TM6SF2: variants seen among roughly 807,000 people sequenced by gnomAD.
TM6SF2 encodes transmembrane 6 superfamily member 2.
TM6SF2 carries 29 observed loss-of-function variants against 41.0 expected under a neutral mutation model. The observed-to-expected ratio is 0.71, with a 90% CI of 0.53 to 0.96. The LOEUF (loss-of-function observed/expected upper bound fraction) is 0.96, where lower values mean the gene tolerates loss of function less well. Among genes scored for constraint, TM6SF2 ranks in the 50% least tolerant of loss-of-function variants. The pLI is 0.00. For missense variants in TM6SF2, 475 were observed against 499.0 expected, an observed-to-expected ratio of 0.95 and a Z score of 0.46; for synonymous variants, 200 against 209.1, an observed-to-expected ratio of 0.96 and a Z score of 0.37.
intron 1 of TM6SF2, 60 bp downstream of exon 1, chr19:19,273,061 T>TGCCCCCCC: frequency 2.6e-5 from 8 of 305,458 alleles, no homozygotes; most frequent in Non-Finnish European, 4.3e-5. Flanking sequence ...CCTCCAGTCC[T>TGCCCCCCC]CCCCGCCCCC....
At position 19,267,379 on chromosome 19, in the gene TM6SF2, A is replaced by G. The variant is rs995023471; in HGVS notation, c.804+242T>C. Among the ~76,000 whole-genome samples the G allele has an allele frequency of 1.3e-4, 18 of 142,642 alleles. 1 individual carries two copies. Among genetic ancestry groups the G allele is most frequent in the Admixed American group, 5.8e-4 (8 of 13,726 alleles). 93.6% of individuals were successfully genotyped at this position (142,642 alleles called of 152,430 possible). On this transcript the variant is annotated intron_variant, in intron 8 of 9. Transcript: ENST00000389363. Reference sequence around the variant, plus strand: ...GCAAAACTCTGTTTAAAAAAAAAAAAAAAAAAGAAAAAGAAAGAAAGAAAA... The same window carrying G: ...GCAAAACTCTGTTTAAAAAAAAAAAGAAAAAAGAAAAAGAAAGAAAGAAAA...
At chr19:19,268,316 C>A (rs1343691626) in intron 6 of TM6SF2, among the ~76,000 whole-genome samples, 1 of 151,540 alleles carries the variant, frequency 6.6e-6, no homozygotes, top group Non-Finnish European at 1.5e-5. Flanking sequence ...AGTGATCCTC[C>A]CACCTCAGCC....
intron 6 of TM6SF2, 141 bp downstream of exon 6, chr19:19,268,489 T>C: frequency 7.8e-7 from 1 of 1,287,230 alleles, no homozygotes; most frequent in Non-Finnish European, 1.0e-6. Flanking sequence ...ATTACAGGCA[T>C]GAGCCACCGC....
At position 19,264,760 on chromosome 19, in the gene TM6SF2, G is replaced by A. The variant is rs578098988; in HGVS notation, c.1038C>T (p.Gly346=). The change falls in exon 10 of 10, where the codon GGC becomes GGT. Residue 346 remains glycine, a synonymous_variant. Coordinates refer to ENST00000389363, the MANE Select transcript of TM6SF2 (RefSeq NM_001001524.3). ...GGCAACGGTAGGCCAGCAGGTGGGG[G>A]CCCAGCGCATACAGCAGATTGCACA... The part of the protein sequence containing the change: ...FFVCNLLYAL[G]PHLLAYRCLQ... 6 of 1,608,718 alleles carry A rather than the reference G, an allele frequency of 3.7e-6. No homozygotes were observed. Among genetic ancestry groups the A allele is most frequent in the Non-Finnish European group, 5.1e-6 (6 of 1,177,790 alleles).
chr19:19,267,480 C>T (rs2061007335), intron 8 of TM6SF2, 141 bp downstream of exon 8: 1 of 568,412 alleles, frequency 1.8e-6, no homozygotes, highest in Non-Finnish European at 3.1e-6. Flanking sequence ...CTGAAGACCA[C>T]ATCTGTCCTT....
chr19:19,272,785 C>CT (rs2061029121), intron 1 of TM6SF2, among the ~76,000 whole-genome samples: 2 of 151,562 alleles, frequency 1.3e-5, no homozygotes, highest in South Asian at 4.2e-4. Flanking sequence ...CCCTTGGTGA[C>CT]TTTGGAACCT....
At chr19:19,267,360 C>T (rs1406079339) in intron 8 of TM6SF2, among the ~76,000 whole-genome samples, 2 of 102,664 alleles carry the variant, frequency 1.9e-5, no homozygotes, top group Admixed American at 1.1e-4. Context: ...AAGAGCAAAA[C>T]TCTGTTTAAA....
At chr19:19,268,188 T>G in intron 6 of TM6SF2, 101 bp from the exon 7 acceptor site, 3 of 767,012 alleles carry the variant, frequency 3.9e-6, no homozygotes, top group Non-Finnish European at 6.1e-6. Flanking sequence ...TTCTTTCTTT[T>G]TTTCTTTTTT....
At chr19:19,267,960 G>A in intron 7 of TM6SF2, 26 bp downstream of exon 7, 1 of 1,578,232 alleles carries the variant, frequency 6.3e-7, no homozygotes, top group East Asian at 2.2e-5. Context: ...GGCAGGGGAG[G>A]GGGAGACCAA....
chr19:19,267,167 G>A (rs2061005876), intron 8 of TM6SF2, among the ~76,000 whole-genome samples: 1 of 152,048 alleles, frequency 6.6e-6, no homozygotes, highest in Admixed American at 6.6e-5. Flanking sequence ...TCAGGAGTTC[G>A]AGACCAGCCT....
At chr19:19,272,620 T>C (rs2061027820) in intron 1 of TM6SF2, among the ~76,000 whole-genome samples, 1 of 151,732 alleles carries the variant, frequency 6.6e-6, no homozygotes, top group Non-Finnish European at 1.5e-5. Flanking sequence ...TAGGGGGAAC[T>C]GAGTCTAGGG....
At chr19:19,273,061 T>TTGCCCCCCCCCCCCCCCCCCCCCC in intron 1 of TM6SF2, 60 bp downstream of exon 1, 1 of 305,470 alleles carries the variant, frequency 3.3e-6, no homozygotes, top group East Asian at 8.6e-5. Flanking sequence ...CCTCCAGTCC[T>TTGCCCCCCCCCCCCCCCCCCCCCC]CCCCGCCCCC....
chr19:19,265,027 T>TC (rs1224915381), intron 9 of TM6SF2, among the ~76,000 whole-genome samples, 154 bp from the exon 10 acceptor site: 1 of 147,550 alleles, frequency 6.8e-6, no homozygotes, highest in African/African-American at 2.5e-5. Flanking sequence ...CCATCTCCAG[T>TC]CCATCTATCT....
intron 8 of TM6SF2, 35 bp from the exon 9 acceptor site, chr19:19,266,644 G>C (rs777214490): frequency 6.3e-7 from 1 of 1,587,108 alleles, no homozygotes; most frequent in Non-Finnish European, 8.6e-7. Context: ...ACCAGCCTGT[G>C]AGATGAGCAG....
chr19:19,270,727 G>T (rs571923462), intron 2 of TM6SF2, among the ~76,000 whole-genome samples: 1 of 152,136 alleles, frequency 6.6e-6, no homozygotes. Flanking sequence ...GAGAGGCACC[G>T]TCCCTGCCCT....
intron 1 of TM6SF2, 34 bp from the exon 2 acceptor site, chr19:19,271,159 G>A (rs746000718): frequency 2.6e-6 from 4 of 1,561,570 alleles, no homozygotes; most frequent in South Asian, 1.1e-5. Context: ...GGGAGGCCAG[G>A]CCCAGTGCTG....
intron 9 of TM6SF2, 88 bp downstream of exon 9, chr19:19,266,402 C>T (rs1239749655): frequency 3.9e-6 from 6 of 1,554,800 alleles, no homozygotes; most frequent in African/African-American, 1.4e-5. Flanking sequence ...CTCATCATTA[C>T]AGTGCCCAGG....
In TM6SF2 at chr19:19,264,561, C is replaced by A; in HGVS notation, c.*103G>T. ...CTACCATAGCCAAGACTAAAGACACCCGGAGATGTCCCTCCTGTCTCTAAA... is the reference window on the plus strand; with the variant it reads ...CTACCATAGCCAAGACTAAAGACACACGGAGATGTCCCTCCTGTCTCTAAA... On this transcript the variant is annotated 3_prime_UTR_variant, in exon 10 of 10. Transcript: ENST00000389363. 1.9e-6 allele frequency: 2 copies of A among 1,036,366 alleles called. No homozygotes were observed. Among genetic ancestry groups the A allele is most frequent in the Non-Finnish European group, 2.6e-6 (2 of 770,888 alleles). 64.2% of individuals were successfully genotyped at this position (1,036,366 alleles called of 1,614,324 possible).
chr19:19,268,133 C>T lies in TM6SF2; in HGVS notation c.610-46G>A, dbSNP rs368696132. 1.4e-5 allele frequency: 19 copies of T among 1,397,524 alleles called. No individual in the cohort carries two copies. The African/African-American group carries it at 2.7e-4, about 20-fold the overall frequency. 86.6% of individuals were successfully genotyped at this position (1,397,524 alleles called of 1,614,324 possible). A position where few individuals can be genotyped will look rare whatever the true frequency, so the allele number is the denominator to read the frequency against. ...AGACAGCATGAGAGGTAGTCAATGACAAGTATTCAGTAGGTACTCAATAAA... is the reference window on the plus strand; with the variant it reads ...AGACAGCATGAGAGGTAGTCAATGATAAGTATTCAGTAGGTACTCAATAAA... On this transcript the variant is annotated intron_variant, in intron 6 of 9. Transcript: ENST00000389363.
Sources: allele counts gnomAD v4.1 joint callset (sites outside exome capture counted in the v4.1 genomes callset), GRCh38; gene constraint gnomAD v4.1.1; transcripts MANE v1.5; gene names NCBI Gene and HGNC (gene_info 2026-07-23, HGNC 2026-07-21).